The following RASA3 variants were observed in gnomAD, a reference collection of about 807,000 sequenced individuals.
The protein encoded by RASA3 is ras GTPase-activating protein 3.
RASA3 carries 73 observed loss-of-function variants against 110.0 expected under a neutral mutation model. That is an observed-to-expected ratio of 0.66 (90% CI 0.55 to 0.81). RASA3 has a LOEUF of 0.81. RASA3 is among the 30% of genes least tolerant of loss of function. The pLI is 0.00. For missense variants in RASA3, 976 were observed against 1,113.2 expected (o/e 0.88, Z 1.75); for synonymous variants, 500 against 451.4 (o/e 1.11, Z -1.37).
At chr13:114,040,471 C>T (rs2054376254) in intron 4 of RASA3, among the ~76,000 whole-genome samples, 2 of 122,608 alleles carry the variant, frequency 1.6e-5, no homozygotes, top group Non-Finnish European at 3.3e-5. Context: ...AAATCCATGG[C>T]AGAGACCGCG....
intron 1 of RASA3, among the ~76,000 whole-genome samples, chr13:114,090,856 T>C (rs754887109): frequency 6.6e-6 from 1 of 152,114 alleles, no homozygotes; most frequent in African/African-American, 2.4e-5. Context: ...CAACTCCAGT[T>C]CAAAGTTTCA....
Position 114,056,302 on chromosome 13 carries a change from G to T in RASA3, c.174-4147C>A, listed in dbSNP as rs182310053. On this transcript the variant is annotated intron_variant, in intron 2 of 23. Transcript: ENST00000334062. This position sits in a 1 kb window ranked among gnomAD's most constrained non-coding sequence, Gnocchi z 5.7. Reference sequence around the variant, plus strand: ...TGCATATTTGGTGCGTGTCCGGTGCGTGGTGAGGGGCGGTGAGATGAGGAT... The same window carrying T: ...TGCATATTTGGTGCGTGTCCGGTGCTTGGTGAGGGGCGGTGAGATGAGGAT... 2.6e-5 allele frequency among the ~76,000 whole-genome samples: 4 copies of T among 152,202 alleles called. No individual in the cohort carries two copies. The highest frequency in any genetic ancestry group is 5.9e-5 in the Non-Finnish European group (4 of 68,040).
chr13:114,097,922 G>A (rs565739631), intron 1 of RASA3, among the ~76,000 whole-genome samples: 39 of 152,308 alleles, frequency 2.6e-4, no homozygotes, highest in Admixed American at 2.0e-3. Context: ...GCAGACGGCC[G>A]GGGCCCCACC....
chr13:114,050,087 C>T (rs1233177103), intron 3 of RASA3, among the ~76,000 whole-genome samples: 3 of 152,200 alleles, frequency 2.0e-5, no homozygotes, highest in Non-Finnish European at 4.4e-5. Context: ...GAGCCGATGC[C>T]CTGGTCAGAG....
At chr13:113,991,463 T>C (rs1329056395) in intron 22 of RASA3, among the ~76,000 whole-genome samples, 3 of 152,216 alleles carry the variant, frequency 2.0e-5, no homozygotes, top group African/African-American at 4.8e-5. Context: ...CCCTGTCATA[T>C]GATCTCCAAG....
Position 114,021,257 on chromosome 13 carries a change from C to T in RASA3, c.785+147G>A, listed in dbSNP as rs999816654. 1.1e-5 allele frequency: 7 copies of T among 665,670 alleles called. No homozygotes were observed. The African/African-American group carries it at 1.3e-4, about 12-fold the overall frequency. 41.2% of individuals were successfully genotyped at this position (665,670 alleles called of 1,614,324 possible). ...AGAAACTCATCAAGCCAGAGCTCGT[C>T]AGAGCTACATGCAAAGTAAGAGCAG... On this transcript the variant is annotated intron_variant, in intron 9 of 23. Coordinates refer to ENST00000334062, the MANE Select transcript of RASA3 (RefSeq NM_007368.4).
intron 2 of RASA3, among the ~76,000 whole-genome samples, chr13:114,062,350 C>T (rs2079370308): frequency 6.6e-6 from 1 of 151,916 alleles, no homozygotes; most frequent in East Asian, 1.9e-4. Context: ...AAAATCAGAC[C>T]CACCGGGATG....
chr13:114,019,429 G>A (rs143381484), intron 9 of RASA3, among the ~76,000 whole-genome samples: 1 of 152,358 alleles, frequency 6.6e-6, no homozygotes, highest in East Asian at 1.9e-4. Flanking sequence ...CAGTCACCCA[G>A]GAGCCCTCTT....
At chr13:114,088,728 C>T (rs1489203838) in intron 1 of RASA3, among the ~76,000 whole-genome samples, 1 of 152,054 alleles carries the variant, frequency 6.6e-6, no homozygotes, top group Non-Finnish European at 1.5e-5. Flanking sequence ...TTTTGTATTT[C>T]TATTAGAGAC....
chr13:114,029,874 A>C lies in RASA3; in HGVS notation c.386T>G (p.Leu129Arg), dbSNP rs1285700711. 25 of 1,563,130 alleles carry C rather than the reference A, an allele frequency of 1.6e-5. No homozygotes were observed. The highest frequency in any genetic ancestry group is 2.2e-5 in the Non-Finnish European group (25 of 1,155,484). Residue 129 changes from leucine to arginine, a missense_variant, in exon 5 of 24, where the codon CTG (leucine) becomes CGG (arginine). Around this residue, in one of 4 missense-constraint regions of RASA3, gnomAD observed 732 missense variants for 779.7 expected, o/e 0.94. Transcript: ENST00000334062. ...ADSEVQGKVH[L>R]ELRLSEVITD... ...GATGACCTCGCTCAGCCGCAGCTCC[A>C]GGTGCACTTTGCCCTGCAAGGCACA...
chr13:113,981,159 A>G (rs2052924149), intron 23 of RASA3, among the ~76,000 whole-genome samples: 1 of 152,146 alleles, frequency 6.6e-6, no homozygotes. Context: ...CCTCTGTTCC[A>G]TGGAGTGAGG....
chr13:114,090,371 G>T (rs1445425692), intron 1 of RASA3, among the ~76,000 whole-genome samples: 4 of 152,178 alleles, frequency 2.6e-5, no homozygotes, highest in Non-Finnish European at 5.9e-5. Flanking sequence ...TTTGTTTTAT[G>T]ATGGCAAAAT....
At chr13:114,038,817 C>G (rs1217845059) in intron 4 of RASA3, among the ~76,000 whole-genome samples, 1 of 152,218 alleles carries the variant, frequency 6.6e-6, no homozygotes, top group African/African-American at 2.4e-5. Flanking sequence ...CCAGGCCATC[C>G]AGTCCCCCAG....
intron 1 of RASA3, among the ~76,000 whole-genome samples, chr13:114,124,392 C>T (rs1197221924): frequency 2.0e-5 from 3 of 152,370 alleles, no homozygotes; most frequent in African/African-American, 7.2e-5. Flanking sequence ...ATCTCCCAGA[C>T]ACTCTGATGC....
intron 9 of RASA3, among the ~76,000 whole-genome samples, chr13:114,019,421 G>A (rs1449014784): frequency 1.3e-5 from 2 of 152,240 alleles, no homozygotes; most frequent in African/African-American, 4.8e-5. Context: ...ACCCCACGCA[G>A]TCACCCAGGA....
intron 14 of RASA3, among the ~76,000 whole-genome samples, chr13:114,013,742 CTCT>C (rs1566478419): frequency 1.4e-4 from 2 of 14,436 alleles, no homozygotes; most frequent in African/African-American, 1.0e-3. Context: ...CTGTCTCTGG[CTCT>C]CTCTCTCTCT....
In RASA3 at chr13:114,130,561, G is replaced by A. The variant is rs144290639; in HGVS notation, c.55+1874C>T. On this transcript the variant is annotated intron_variant, in intron 1 of 23. Transcript: ENST00000334062. ...CCCCACGCCTGTCGGAAGTGGGGCC[G>A]AGTGCCCGCAGGCCGGTGAAGCTGC... Among the ~76,000 whole-genome samples, 968 of 152,070 alleles carry A rather than the reference G, an allele frequency of 6.4e-3. 6 individuals are homozygous for A. The highest frequency in any genetic ancestry group is 0.02 in the Middle Eastern group (6 of 294).
rs2079093167 is a variant in RASA3 at position 114,048,621 on chromosome 13, C to T, written c.277+3431G>A. 1.3e-5 allele frequency among the ~76,000 whole-genome samples: 2 copies of T among 152,202 alleles called. No homozygotes were observed. Among genetic ancestry groups the T allele is most frequent in the African/African-American group, 4.8e-5 (2 of 41,460 alleles). On this transcript the variant is annotated intron_variant, in intron 3 of 23. Transcript: ENST00000334062. The surrounding 1 kb of genome is among the most constrained non-coding windows in gnomAD (Gnocchi z 4.3). ...CTCTGTGAGGGCAGCGCCCGGCAGCCGAGTCCAGGCAGAGGCCGCCTCCCT... is the reference window on the plus strand; with the variant it reads ...CTCTGTGAGGGCAGCGCCCGGCAGCTGAGTCCAGGCAGAGGCCGCCTCCCT...
Position 114,040,681 on chromosome 13 carries a change from A to G in RASA3, c.372+319T>C, listed in dbSNP as rs78269304. 1.1e-3 allele frequency among the ~76,000 whole-genome samples: 138 copies of G among 122,944 alleles called. 6 individuals carry two copies. The highest frequency in any genetic ancestry group is 3.6e-3 in the African/African-American group (90 of 25,156). 80.7% of individuals were successfully genotyped at this position (122,944 alleles called of 152,430 possible). A position where few individuals can be genotyped will look rare whatever the true frequency, so the allele number is the denominator to read the frequency against. On this transcript the variant is annotated intron_variant, in intron 4 of 23. Coordinates refer to ENST00000334062, the MANE Select transcript of RASA3 (RefSeq NM_007368.4). ...GCGCTCACTCCGAGCACAAGCAGGCAAACACGCACAACCCAAAATCCACAC... is the reference window on the plus strand; with the variant it reads ...GCGCTCACTCCGAGCACAAGCAGGCGAACACGCACAACCCAAAATCCACAC...
Sources: gnomAD v4.1 joint callset for allele counts (sites outside exome capture counted in the v4.1 genomes callset) on GRCh38, gnomAD v4.1.1 for gene constraint, gnomAD v4.1.1 regional missense constraint, Gnocchi (gnomAD v3.1) non-coding constraint, MANE v1.5 for transcripts, NCBI Gene and HGNC (gene_info 2026-07-23, HGNC 2026-07-21) for gene names.